WSCD1: variants seen among roughly 807,000 people sequenced by gnomAD.
WSCD1 encodes WSC domain sialate O sulfotransferase 1.
Under a neutral mutation model 60.4 loss-of-function variants are expected in WSCD1, and 41 were observed. The ratio of observed to expected loss-of-function variants is 0.68; its 90% CI spans 0.53 to 0.88. The LOEUF (loss-of-function observed/expected upper bound fraction) is 0.88, where lower values mean the gene tolerates loss of function less well. Ranked by LOEUF, WSCD1 falls within the 40% of genes least tolerant of loss-of-function variation. The pLI is 0.00. For missense variants in WSCD1, 784 were observed against 796.2 expected (o/e 0.98, Z 0.18); for synonymous variants, 361 against 332.5 (o/e 1.09, Z -0.93).
chr17:6,079,879 C>T (rs760840269), intron 1 of WSCD1, among the ~76,000 whole-genome samples: 23 of 152,194 alleles, frequency 1.5e-4, no homozygotes, highest in Non-Finnish European at 2.6e-4. Context: ...CCTTGGCTCT[C>T]CTGTTTACCA....
In WSCD1 at chr17:6,095,160, C is replaced by T. The variant is rs769357664; in HGVS notation, c.786C>T (p.Phe262=). Residue 262 remains phenylalanine, a synonymous_variant, in exon 5 of 9, where the codon TTC becomes TTT. Coordinates refer to ENST00000317744, the MANE Select transcript of WSCD1 (RefSeq NM_015253.2). ...TGCCAGAGAACATCACACATGCCTT[C>T]CCCAGCTCCCTGATACAGGCCAATG... ...FRLPENITHA[F]PSSLIQANVT... is the part of the protein sequence containing the mutation. 4 of 1,613,846 alleles carry T rather than the reference C, an allele frequency of 2.5e-6. No homozygotes were observed. The South Asian group carries it at 4.4e-5, about 18-fold the overall frequency.
At chr17:6,069,390 C>CGCGT (rs1271381786), upstream of WSCD1, 3 of 335,682 alleles carry the variant, frequency 8.9e-6, no homozygotes, top group Non-Finnish European at 1.5e-5. Flanking sequence ...CACCTCGGTG[C>CGCGT]GTGTGTGTGT....
chr17:6,076,082 G>C (rs545116063), intron 1 of WSCD1, among the ~76,000 whole-genome samples: 4 of 152,204 alleles, frequency 2.6e-5, no homozygotes, highest in Non-Finnish European at 5.9e-5. Flanking sequence ...TGAAACCGGA[G>C]CTGGGATGGG....
At position 6,120,302 on chromosome 17, in the gene WSCD1, A is replaced by G; in HGVS notation, c.1376-7A>G. On this transcript the variant is annotated splice_region_variant and splice_polypyrimidine_tract_variant and intron_variant, in intron 8 of 8. Transcript: ENST00000317744. ...CCGACTCTGCATCTCTCCTGTCCTC[A>G]CTCTAGAGTGGCCGGACTTTGTCAA... 1 of 1,610,426 alleles carries G rather than the reference A, an allele frequency of 6.2e-7. No individual in the cohort carries two copies. Among genetic ancestry groups the G allele is most frequent in the Non-Finnish European group, 8.5e-7 (1 of 1,177,744 alleles).
intron 6 of WSCD1, 131 bp downstream of exon 6, chr17:6,109,897 G>T: frequency 7.8e-7 from 1 of 1,283,928 alleles, no homozygotes; most frequent in Non-Finnish European, 1.1e-6. Flanking sequence ...TAAAGGTCTT[G>T]GCATCTTGAT....
At chr17:6,097,015 G>T (rs1309121362) in intron 5 of WSCD1, among the ~76,000 whole-genome samples, 1 of 152,214 alleles carries the variant, frequency 6.6e-6, no homozygotes, top group Non-Finnish European at 1.5e-5. Context: ...CGAGAGGCTG[G>T]GCAGGTGTGC....
At chr17:6,115,020 C>G (rs1377420710) in intron 7 of WSCD1, among the ~76,000 whole-genome samples, 2 of 152,178 alleles carry the variant, frequency 1.3e-5, no homozygotes, top group East Asian at 3.8e-4. Context: ...AGGACATGAA[C>G]TCATTCTTTT....
At chr17:6,100,540 C>T (rs1910739069) in intron 5 of WSCD1, among the ~76,000 whole-genome samples, 1 of 152,236 alleles carries the variant, frequency 6.6e-6, no homozygotes, top group African/African-American at 2.4e-5. Context: ...GTACTGTTAG[C>T]CCCTCAGCTC....
At chr17:6,086,834 G>A (rs55716073) in intron 2 of WSCD1, among the ~76,000 whole-genome samples, 60,618 of 151,720 alleles carry the variant, frequency 0.4, 12,286 homozygotes, top group East Asian at 0.63. Flanking sequence ...TTGCCCTCAC[G>A]GAGCATCCAG....
chr17:6,081,227 G>A (rs1909252474), intron 2 of WSCD1, 142 bp downstream of exon 2: 2 of 1,070,442 alleles, frequency 1.9e-6, no homozygotes, highest in Admixed American at 6.0e-5. Flanking sequence ...GACAGGAAGG[G>A]GCCTGCGATG....
chr17:6,069,550 G>C (rs1205230884), upstream of WSCD1, among the ~76,000 whole-genome samples: 1 of 152,046 alleles, frequency 6.6e-6, no homozygotes, highest in East Asian at 1.9e-4. Flanking sequence ...CAAGGCGTGG[G>C]TTTGTCACTG....
At chr17:6,104,362 T>C (rs1910972189) in intron 5 of WSCD1, among the ~76,000 whole-genome samples, 1 of 152,172 alleles carries the variant, frequency 6.6e-6, no homozygotes, top group African/African-American at 2.4e-5. Flanking sequence ...GTGAGAGCCC[T>C]TAGTCATTAA....
intron 2 of WSCD1, among the ~76,000 whole-genome samples, chr17:6,082,614 G>C (rs1909353542): frequency 6.6e-6 from 1 of 152,196 alleles, no homozygotes; most frequent in Non-Finnish European, 1.5e-5. Context: ...GGAAGTTGTT[G>C]TTGGAGGGTG....
intron 1 of WSCD1, among the ~76,000 whole-genome samples, chr17:6,073,193 T>C (rs1258938617): frequency 6.6e-6 from 1 of 152,232 alleles, no homozygotes; most frequent in Non-Finnish European, 1.5e-5. Context: ...TCCACTCACT[T>C]GTCCACCTGT....
At chr17:6,095,420 TGTGAGGCTGG>T (rs1423129087) in intron 5 of WSCD1, among the ~76,000 whole-genome samples, 197 bp downstream of exon 5, 1 of 152,138 alleles carries the variant, frequency 6.6e-6, no homozygotes, top group Non-Finnish European at 1.5e-5. Flanking sequence ...CTGTCCACCA[TGTGAGGCTGG>T]GTGGGGAATT....
In WSCD1 at chr17:6,123,963, C is replaced by T. The variant is rs1904862912; in HGVS notation, c.*3302C>T. The stretch of plus-strand genomic sequence containing the variant: ...AGGTCTTGCTGATTGCATCCACATT[C>T]ATTCCTCCATTTCCTTTCCCAGCAA... On this transcript the variant is annotated 3_prime_UTR_variant, in exon 9 of 9. Coordinates refer to ENST00000317744, the MANE Select transcript of WSCD1 (RefSeq NM_015253.2). The T allele has an allele frequency of 6.6e-6, 1 of 152,216 alleles. No homozygotes were observed. Among genetic ancestry groups the T allele is most frequent in the African/African-American group, 2.4e-5 (1 of 41,454 alleles). 9.4% of individuals were successfully genotyped at this position (152,216 alleles called of 1,614,324 possible).
At chr17:6,092,929 T>G (rs573629288) in intron 4 of WSCD1, among the ~76,000 whole-genome samples, 5 of 152,172 alleles carry the variant, frequency 3.3e-5, no homozygotes, top group Admixed American at 6.5e-5. Context: ...ACCTTTGCCT[T>G]CCTGCCCCCT....
chr17:6,109,789 G>A, intron 6 of WSCD1, 23 bp downstream of exon 6: 1 of 1,602,434 alleles, frequency 6.2e-7, no homozygotes. Context: ...TCCCCGACTG[G>A]TAGTGGCATT....
At chr17:6,085,384 T>A (rs1179584528) in intron 2 of WSCD1, among the ~76,000 whole-genome samples, 1 of 152,222 alleles carries the variant, frequency 6.6e-6, no homozygotes, top group African/African-American at 2.4e-5. Flanking sequence ...TGCTGAGTAA[T>A]TACTGCATGC....
Sources: allele counts gnomAD v4.1 joint callset (sites outside exome capture counted in the v4.1 genomes callset), GRCh38; gene constraint gnomAD v4.1.1; transcripts MANE v1.5; gene names NCBI Gene and HGNC (gene_info 2026-07-23, HGNC 2026-07-21).